The following SNTG1 variants were observed in gnomAD, a reference collection of about 807,000 sequenced individuals.
SNTG1 encodes the protein syntrophin gamma 1.
In SNTG1, 39 loss-of-function variants were observed where a neutral mutation model predicts 74.7. The observed-to-expected ratio is 0.52, with a 90% CI of 0.40 to 0.68. The LOEUF is 0.68. Ranked by LOEUF, SNTG1 falls within the 30% of genes least tolerant of loss-of-function variation. SNTG1 has a pLI of 0.00. For missense variants in SNTG1, 685 were observed against 609.5 expected (o/e 1.12, Z -1.30); for synonymous variants, 254 against 217.1 (o/e 1.17, Z -1.49).
chr8:50,743,091 T>C (rs1190143890), intron 17 of SNTG1, among the ~76,000 whole-genome samples: 1 of 141,666 alleles, frequency 7.1e-6, no homozygotes, highest in Non-Finnish European at 1.5e-5. Flanking sequence ...AAAGTTATTC[T>C]CAAATTCTTA....
chr8:50,531,570 G>A (rs1390961714), intron 10 of SNTG1, among the ~76,000 whole-genome samples: 1 of 152,072 alleles, frequency 6.6e-6, no homozygotes, highest in African/African-American at 2.4e-5. Flanking sequence ...CACCGCGCTG[G>A]TGCACCTGCC....
intron 1 of SNTG1, among the ~76,000 whole-genome samples, chr8:50,153,913 A>G (rs1039275479): frequency 6.6e-6 from 1 of 152,114 alleles, no homozygotes; most frequent in Non-Finnish European, 1.5e-5. Context: ...TGGGAGAACC[A>G]CTACTCTCTT....
intron 1 of SNTG1, among the ~76,000 whole-genome samples, chr8:49,929,355 T>C (rs948959601): frequency 4.6e-5 from 7 of 152,204 alleles, no homozygotes. Flanking sequence ...GGCCTCTTAC[T>C]CAATGGTACT....
chr8:50,245,199 T>G (rs1316345904), intron 2 of SNTG1, among the ~76,000 whole-genome samples: 6 of 152,148 alleles, frequency 3.9e-5, no homozygotes, highest in Admixed American at 1.3e-4. Context: ...TGAAGGTGAC[T>G]TGAAAATCAT....
At chr8:50,413,679 T>G (rs1221494282) in intron 4 of SNTG1, among the ~76,000 whole-genome samples, 1 of 152,220 alleles carries the variant, frequency 6.6e-6, no homozygotes, top group South Asian at 2.1e-4. Context: ...TTATCTGTGT[T>G]CTTTCCTTCA....
intron 1 of SNTG1, among the ~76,000 whole-genome samples, chr8:50,109,087 C>T (rs2080486679): frequency 6.6e-6 from 1 of 152,164 alleles, no homozygotes; most frequent in South Asian, 2.1e-4. Context: ...TTTCCATTGA[C>T]AACAGAGACA....
intron 1 of SNTG1, among the ~76,000 whole-genome samples, chr8:50,018,848 G>T (rs75963440): frequency 7.2e-5 from 11 of 152,020 alleles, no homozygotes; most frequent in African/African-American, 1.2e-4. Flanking sequence ...TGGCCAAGAT[G>T]TGGAGACATT....
intron 15 of SNTG1, among the ~76,000 whole-genome samples, chr8:50,665,428 GCA>G (rs1269557963): frequency 6.6e-6 from 1 of 151,784 alleles, no homozygotes; most frequent in Non-Finnish European, 1.5e-5. Flanking sequence ...GTGTGTGTGT[GCA>G]TGCATGTATA....
At chr8:50,199,000 A>G (rs557081817) in intron 2 of SNTG1, among the ~76,000 whole-genome samples, 6 of 152,324 alleles carry the variant, frequency 3.9e-5, no homozygotes, top group Admixed American at 2.6e-4. Flanking sequence ...AGTACTGAAT[A>G]TGGTTAGCAT....
intron 1 of SNTG1, among the ~76,000 whole-genome samples, chr8:49,972,105 A>G (rs1209435120): frequency 6.6e-6 from 1 of 152,192 alleles, no homozygotes; most frequent in Non-Finnish European, 1.5e-5. Context: ...ATGCTACCTG[A>G]CTTCAAACTA....
At chr8:50,739,500 T>C (rs1395671782) in intron 17 of SNTG1, among the ~76,000 whole-genome samples, 1 of 152,064 alleles carries the variant, frequency 6.6e-6, no homozygotes, top group Non-Finnish European at 1.5e-5. Context: ...TGGAAGACAC[T>C]ATGGCAATTC....
At chr8:50,149,696 G>A (rs1439475174) in intron 1 of SNTG1, among the ~76,000 whole-genome samples, 4 of 152,124 alleles carry the variant, frequency 2.6e-5, no homozygotes, top group Middle Eastern at 3.2e-3. Context: ...AAGATCAGAT[G>A]GTTGTAGATG....
At chr8:50,277,800 T>G (rs2088201277) in intron 2 of SNTG1, among the ~76,000 whole-genome samples, 1 of 152,222 alleles carries the variant, frequency 6.6e-6, no homozygotes, top group Non-Finnish European at 1.5e-5. Flanking sequence ...TTTATTAATT[T>G]TATTTACATG....
At chr8:50,765,885 C>A (rs2095612337) in intron 18 of SNTG1, among the ~76,000 whole-genome samples, 1 of 151,814 alleles carries the variant, frequency 6.6e-6, no homozygotes, top group Admixed American at 6.6e-5. Context: ...TAGATTTCAC[C>A]TTATTTTTAC....
At chr8:49,916,694 T>A (rs891697033) in intron 1 of SNTG1, among the ~76,000 whole-genome samples, 1 of 151,988 alleles carries the variant, frequency 6.6e-6, no homozygotes, top group African/African-American at 2.4e-5. Flanking sequence ...ATTTGAACAA[T>A]AATGTGTTAC....
intron 2 of SNTG1, among the ~76,000 whole-genome samples, chr8:50,233,739 AAAAAT>A (rs1487042187): frequency 6.6e-6 from 1 of 151,274 alleles, no homozygotes; most frequent in African/African-American, 2.4e-5. Flanking sequence ...AAATGGAAAA[AAAAAT>A]GAAGACACAT....
chr8:50,271,682 C>T (rs551239050), intron 2 of SNTG1, among the ~76,000 whole-genome samples: 5 of 152,148 alleles, frequency 3.3e-5, no homozygotes, highest in South Asian at 2.1e-4. Context: ...AGAGTACATT[C>T]GTATGACAGT....
At chr8:50,473,428 C>A (rs80243080) in intron 8 of SNTG1, among the ~76,000 whole-genome samples, 3,508 of 152,096 alleles carry the variant, frequency 0.023, 126 homozygotes, top group African/African-American at 0.077. Context: ...ACAGATACAA[C>A]AAAGATGTGG....
chr8:50,464,345 C>T (rs1188689875), intron 8 of SNTG1, among the ~76,000 whole-genome samples: 5 of 152,134 alleles, frequency 3.3e-5, no homozygotes, highest in Non-Finnish European at 7.3e-5. Flanking sequence ...CCCTTCCTCA[C>T]TAAGTTTAAT....
Sources: gnomAD v4.1 joint callset for allele counts (sites outside exome capture counted in the v4.1 genomes callset) on GRCh38, gnomAD v4.1.1 for gene constraint, MANE v1.5 for transcripts, NCBI Gene and HGNC (gene_info 2026-07-23, HGNC 2026-07-21) for gene names.